TGFBR2: variants seen among roughly 807,000 people sequenced by gnomAD.
The protein encoded by TGFBR2 is transforming growth factor beta receptor 2.
TGFBR2 carries 18 observed loss-of-function variants against 49.0 expected under a neutral mutation model. That is an observed-to-expected ratio of 0.37 (90% CI 0.25 to 0.54). TGFBR2 has a LOEUF of 0.54. TGFBR2 is among the 20% of genes least tolerant of loss of function. The pLI is 0.85. For synonymous variants in TGFBR2, 282 were observed against 275.9 expected (o/e 1.02, Z -0.22); for missense variants, 525 against 722.6 (o/e 0.73, Z 3.13).
intron 3 of TGFBR2, among the ~76,000 whole-genome samples, chr3:30,661,359 C>T (rs1207674114): frequency 6.6e-6 from 1 of 152,168 alleles, no homozygotes; most frequent in Non-Finnish European, 1.5e-5. Flanking sequence ...TGTAGGCACC[C>T]TCCTAATGTT....
At chr3:30,636,733 C>CGTGTGTGT (rs3076736) in intron 1 of TGFBR2, among the ~76,000 whole-genome samples, 1 of 146,594 alleles carries the variant, frequency 6.8e-6, no homozygotes, top group East Asian at 2.0e-4. Context: ...TGTGTGTGCA[C>CGTGTGTGT]GTGTGTGTGT....
intron 3 of TGFBR2, among the ~76,000 whole-genome samples, chr3:30,666,245 T>C (rs1438605868): frequency 6.6e-6 from 1 of 152,188 alleles, no homozygotes; most frequent in Non-Finnish European, 1.5e-5. Context: ...CCTTCAGAGC[T>C]ATATCTGGTT....
intron 1 of TGFBR2, among the ~76,000 whole-genome samples, chr3:30,623,482 G>A (rs1698274062): frequency 6.6e-6 from 1 of 152,158 alleles, no homozygotes; most frequent in Non-Finnish European, 1.5e-5. Context: ...TTTAAGACTG[G>A]AGAATTTCTT....
chr3:30,663,964 A>AG (rs1699192880), intron 3 of TGFBR2, among the ~76,000 whole-genome samples: 2 of 87,434 alleles, frequency 2.3e-5, no homozygotes, highest in Admixed American at 3.7e-4. Flanking sequence ...AGAGGAAGAG[A>AG]GGGCTAACTT....
chr3:30,681,561 G>A (rs1246121238), intron 5 of TGFBR2, among the ~76,000 whole-genome samples: 1 of 152,204 alleles, frequency 6.6e-6, no homozygotes, highest in East Asian at 1.9e-4. Context: ...CGAGGGCCGG[G>A]CGGTTGCGGG....
At chr3:30,691,353 C>G in intron 6 of TGFBR2, 67 bp from the exon 7 acceptor site, 2 of 1,571,570 alleles carry the variant, frequency 1.3e-6, no homozygotes, top group Non-Finnish European at 1.7e-6. Context: ...ACAAGGTCAG[C>G]AGGCCACCTT....
At chr3:30,642,549 A>G (rs9828642) in intron 1 of TGFBR2, among the ~76,000 whole-genome samples, 50,111 of 152,086 alleles carry the variant, frequency 0.33, 8,749 homozygotes, top group African/African-American at 0.44. Flanking sequence ...ATAACCACCA[A>G]TCTAAGCTAA....
chr3:30,620,260 C>T (rs1160988750), intron 1 of TGFBR2, among the ~76,000 whole-genome samples: 1 of 152,168 alleles, frequency 6.6e-6, no homozygotes, highest in Non-Finnish European at 1.5e-5. Flanking sequence ...TCTGATTTTG[C>T]CATAGCTCTT....
At chr3:30,646,784 G>T (rs767180658) in intron 2 of TGFBR2, among the ~76,000 whole-genome samples, 2 of 152,024 alleles carry the variant, frequency 1.3e-5, no homozygotes, top group Non-Finnish European at 2.9e-5. Flanking sequence ...GTGAGCACTT[G>T]CTTTTGCAAC....
At chr3:30,650,079 A>G (rs1374577933) in intron 2 of TGFBR2, among the ~76,000 whole-genome samples, 191 bp from the exon 3 acceptor site, 1 of 152,190 alleles carries the variant, frequency 6.6e-6, no homozygotes, top group Non-Finnish European at 1.5e-5. Flanking sequence ...AACAGAAAAG[A>G]GTAGAAAAGC....
chr3:30,670,305 T>C (rs1699315840), intron 3 of TGFBR2, among the ~76,000 whole-genome samples: 1 of 152,186 alleles, frequency 6.6e-6, no homozygotes, highest in South Asian at 2.1e-4. Flanking sequence ...CATTGTACAT[T>C]TAGCCCCTAT....
chr3:30,636,566 A>G (rs1459264414), intron 1 of TGFBR2, among the ~76,000 whole-genome samples: 1 of 152,206 alleles, frequency 6.6e-6, no homozygotes, highest in Non-Finnish European at 1.5e-5. Flanking sequence ...CAGAAAAATA[A>G]TAGAAAATTC....
intron 1 of TGFBR2, among the ~76,000 whole-genome samples, chr3:30,617,749 A>G (rs1343871543): frequency 2.0e-5 from 3 of 152,132 alleles, no homozygotes; most frequent in African/African-American, 7.2e-5. Flanking sequence ...AAGATGTTCT[A>G]ATACCTTGCC....
chr3:30,642,437 G>C (rs1698663656), intron 1 of TGFBR2, among the ~76,000 whole-genome samples: 1 of 152,152 alleles, frequency 6.6e-6, no homozygotes, highest in East Asian at 1.9e-4. Context: ...TGATGCCTCA[G>C]TTACCTTCCA....
At position 30,674,250 on chromosome 3, in the gene TGFBR2, GGTGTGGA is replaced by G. The variant is rs1699394596; in HGVS notation, c.1396+5_1396+11del. 6.2e-7 allele frequency: 1 copy of G among 1,614,092 alleles called. No individual in the cohort carries two copies. Among genetic ancestry groups the G allele is most frequent in the Non-Finnish European group, 8.5e-7 (1 of 1,179,980 alleles). ...TCTCGCTGTAATGCAGTGGGAGGTA[GGTGTGGA>G]CCAGCATCATTGTGTAGTGGTAAAC... On this transcript the variant is annotated splice_donor_5th_base_variant and intron_variant, in intron 5 of 6. Coordinates refer to ENST00000295754, the MANE Select transcript of TGFBR2 (RefSeq NM_003242.6).
intron 2 of TGFBR2, among the ~76,000 whole-genome samples, chr3:30,645,579 A>C (rs1698716218): frequency 6.8e-6 from 1 of 147,334 alleles, no homozygotes; most frequent in Admixed American, 6.9e-5. Flanking sequence ...TCCACCTCCC[A>C]GGTTCAAGCG....
At chr3:30,644,683 G>A in intron 1 of TGFBR2, 64 bp from the exon 2 acceptor site, 1 of 1,494,002 alleles carries the variant, frequency 6.7e-7, no homozygotes, top group Admixed American at 1.7e-5. Flanking sequence ...AACATCTTCA[G>A]GAATTCATTG....
At chr3:30,663,611 ACAAGTTTAAAAG>A (rs1226264134) in intron 3 of TGFBR2, among the ~76,000 whole-genome samples, 2 of 152,204 alleles carry the variant, frequency 1.3e-5, no homozygotes, top group African/African-American at 2.4e-5. Context: ...GGATGATAAA[ACAAGTTTAAAAG>A]CTCAAGAAAA....
At chr3:30,656,449 C>A (rs190542978) in intron 3 of TGFBR2, among the ~76,000 whole-genome samples, 2 of 152,190 alleles carry the variant, frequency 1.3e-5, no homozygotes, top group African/African-American at 4.8e-5. Context: ...TTTCAAGATG[C>A]ATTGTACAAG....
Sources: gnomAD v4.1 joint callset for allele counts (sites outside exome capture counted in the v4.1 genomes callset) on GRCh38, gnomAD v4.1.1 for gene constraint, MANE v1.5 for transcripts, NCBI Gene and HGNC (gene_info 2026-07-23, HGNC 2026-07-21) for gene names.